EXOC6B: variants seen among roughly 807,000 people sequenced by gnomAD.
EXOC6B encodes the protein SEC15 homolog B.
EXOC6B carries 54 observed loss-of-function variants against 113.5 expected under a neutral mutation model. The observed-to-expected ratio is 0.48, with a 90% CI of 0.38 to 0.60. The LOEUF (loss-of-function observed/expected upper bound fraction) is 0.60. Ranked by LOEUF, EXOC6B falls within the 20% of genes least tolerant of loss-of-function variation. The pLI is 0.00. For missense variants in EXOC6B, 797 were observed against 977.5 expected (o/e 0.82, Z 2.46); for synonymous variants, 357 against 339.0 (o/e 1.05, Z -0.58).
chr2:72,783,848 G>A (rs1013022931), intron 1 of EXOC6B, among the ~76,000 whole-genome samples: 2 of 152,094 alleles, frequency 1.3e-5, no homozygotes, highest in Non-Finnish European at 2.9e-5. Flanking sequence ...TCTTAGTTTA[G>A]TATATTCCCA....
chr2:72,320,464 C>A (rs1687786776), intron 20 of EXOC6B, among the ~76,000 whole-genome samples: 1 of 152,008 alleles, frequency 6.6e-6, no homozygotes, highest in Non-Finnish European at 1.5e-5. Flanking sequence ...TATCAAGGTG[C>A]ATCAATGGAG....
intron 20 of EXOC6B, among the ~76,000 whole-genome samples, chr2:72,318,398 A>T (rs1278059214): frequency 6.8e-6 from 1 of 146,540 alleles, no homozygotes; most frequent in Non-Finnish European, 1.5e-5. Context: ...CTAGTTGTTA[A>T]TTTTTTTTTT....
At chr2:72,182,870 G>A (rs1678178918) in intron 21 of EXOC6B, 1 of 1,229,038 alleles carries the variant, frequency 8.1e-7, no homozygotes, top group African/African-American at 1.6e-5. Context: ...TGATGGAAAA[G>A]GCCCAAGTGA....
intron 6 of EXOC6B, among the ~76,000 whole-genome samples, chr2:72,601,168 G>A (rs1573466629): frequency 3.0e-5 from 4 of 131,724 alleles, no homozygotes; most frequent in African/African-American, 1.2e-4. Context: ...GTGTGTGTGT[G>A]TGTGTGTGTA....
At chr2:72,357,813 CTG>C (rs1690061726) in intron 19 of EXOC6B, among the ~76,000 whole-genome samples, 1 of 152,142 alleles carries the variant, frequency 6.6e-6, no homozygotes, top group Admixed American at 6.5e-5. Context: ...TTACCACTGA[CTG>C]TGTTACAACT....
intron 1 of EXOC6B, among the ~76,000 whole-genome samples, chr2:72,743,877 C>G (rs1165528425): frequency 6.6e-6 from 1 of 152,068 alleles, no homozygotes; most frequent in African/African-American, 2.4e-5. Flanking sequence ...GTTCTACCAC[C>G]CAAAACTCAG....
At chr2:72,275,429 A>C (rs1684754073) in intron 20 of EXOC6B, among the ~76,000 whole-genome samples, 1 of 152,084 alleles carries the variant, frequency 6.6e-6, no homozygotes, top group Non-Finnish European at 1.5e-5. Flanking sequence ...ATGATTTCCA[A>C]ATTGCAATAA....
chr2:72,224,859 T>C (rs1028397874), intron 20 of EXOC6B, among the ~76,000 whole-genome samples: 2 of 150,482 alleles, frequency 1.3e-5, no homozygotes, highest in Non-Finnish European at 1.5e-5. Flanking sequence ...TATATATATA[T>C]GTATACGTAA....
chr2:72,757,565 T>C (rs1682496643), intron 1 of EXOC6B, among the ~76,000 whole-genome samples: 1 of 152,218 alleles, frequency 6.6e-6, no homozygotes, highest in African/African-American at 2.4e-5. Flanking sequence ...TGTGTAAATT[T>C]CTCTTTGTCT....
chr2:72,208,109 C>G (rs760165787), intron 20 of EXOC6B, among the ~76,000 whole-genome samples: 4 of 152,050 alleles, frequency 2.6e-5, no homozygotes, highest in Non-Finnish European at 5.9e-5. Flanking sequence ...ATTTTAGATA[C>G]AGGGGGTATA....
intron 6 of EXOC6B, among the ~76,000 whole-genome samples, chr2:72,651,961 C>A (rs968719624): frequency 6.6e-5 from 10 of 152,072 alleles, no homozygotes; most frequent in African/African-American, 2.2e-4. Context: ...ATACACAGAT[C>A]CAGTATAATA....
intron 11 of EXOC6B, among the ~76,000 whole-genome samples, chr2:72,508,925 A>G (rs1450314198): frequency 6.6e-6 from 1 of 152,110 alleles, no homozygotes; most frequent in East Asian, 1.9e-4. Context: ...TATACATAAT[A>G]TAATATATAA....
intron 1 of EXOC6B, among the ~76,000 whole-genome samples, chr2:72,799,512 G>A (rs190396962): frequency 3.1e-4 from 47 of 152,158 alleles, no homozygotes; most frequent in African/African-American, 1.1e-3. Context: ...CGAAGCTGCA[G>A]TGAGCTATGA....
chr2:72,406,251 A>C (rs1693752614), intron 18 of EXOC6B, among the ~76,000 whole-genome samples: 1 of 152,064 alleles, frequency 6.6e-6, no homozygotes, highest in Non-Finnish European at 1.5e-5. Flanking sequence ...CACAATAATA[A>C]TGGGAGACTT....
chr2:72,672,546 C>CAAAAAAAAAA, intron 6 of EXOC6B, among the ~76,000 whole-genome samples: 1 of 88,542 alleles, frequency 1.1e-5, no homozygotes, highest in Non-Finnish European at 2.3e-5. Flanking sequence ...GACTCTGTCT[C>CAAAAAAAAAA]AAAAAAAAAA....
At chr2:72,587,605 T>C (rs1215264765) in intron 6 of EXOC6B, among the ~76,000 whole-genome samples, 1 of 152,158 alleles carries the variant, frequency 6.6e-6, no homozygotes, top group Non-Finnish European at 1.5e-5. Flanking sequence ...AATAATATGT[T>C]AGGGCCACCT....
chr2:72,772,045 T>C (rs974478061), intron 1 of EXOC6B, among the ~76,000 whole-genome samples: 9 of 152,130 alleles, frequency 5.9e-5, no homozygotes, highest in Admixed American at 3.9e-4. Context: ...AGGTAAGAGA[T>C]CACAGCACCT....
At chr2:72,416,814 G>A (rs1288467533) in intron 18 of EXOC6B, among the ~76,000 whole-genome samples, 2 of 152,094 alleles carry the variant, frequency 1.3e-5, no homozygotes, top group Non-Finnish European at 2.9e-5. Context: ...CTGCTTCCTA[G>A]TCACAGAAGA....
At chr2:72,489,426 C>G (rs1485504281) in intron 16 of EXOC6B, among the ~76,000 whole-genome samples, 1 of 152,002 alleles carries the variant, frequency 6.6e-6, no homozygotes, top group South Asian at 2.1e-4. Context: ...TTTTACTTCT[C>G]TTAATTAAAA....
Sources: allele counts gnomAD v4.1 joint callset (sites outside exome capture counted in the v4.1 genomes callset), GRCh38; gene constraint gnomAD v4.1.1; transcripts MANE v1.5; gene names NCBI Gene and HGNC (gene_info 2026-07-23, HGNC 2026-07-21).